MACROD2: variants seen among roughly 807,000 people sequenced by gnomAD.
MACROD2 encodes the protein mono-ADP ribosylhydrolase 2, also known as ADP-ribose glycohydrolase MACROD2.
In MACROD2, 36 loss-of-function variants were observed where a neutral mutation model predicts 70.4. The observed-to-expected ratio is 0.51, with a 90% CI of 0.39 to 0.68. The LOEUF (loss-of-function observed/expected upper bound fraction) is 0.68, where lower values mean the gene tolerates loss of function less well. MACROD2 is among the 30% of genes least tolerant of loss of function. The probability of loss-of-function intolerance (pLI) is 0.00; values close to 1 mark genes in which losing one functional copy is unlikely to be tolerated. For synonymous variants in MACROD2, 172 were observed against 178.8 expected, an observed-to-expected ratio of 0.96 and a Z score of 0.30; for missense variants, 496 against 538.4, an observed-to-expected ratio of 0.92 and a Z score of 0.78.
chr20:15,814,510 AT>A (rs1312174935), intron 8 of MACROD2, among the ~76,000 whole-genome samples: 1 of 152,136 alleles, frequency 6.6e-6, no homozygotes, highest in Non-Finnish European at 1.5e-5. Context: ...CCCATTATTG[AT>A]TGCTTTGCCT....
intron 8 of MACROD2, among the ~76,000 whole-genome samples, chr20:15,661,306 A>G (rs1315628515): frequency 1.3e-5 from 2 of 152,182 alleles, no homozygotes; most frequent in Admixed American, 6.5e-5. Flanking sequence ...GGCAGGCTCT[A>G]CAAGAGGCAG....
At chr20:15,820,965 A>G (rs2063932126) in intron 8 of MACROD2, among the ~76,000 whole-genome samples, 1 of 152,174 alleles carries the variant, frequency 6.6e-6, no homozygotes, top group African/African-American at 2.4e-5. Context: ...TTCACATTAC[A>G]CAATGGAGCA....
At chr20:14,100,821 T>C (rs2054293846) in intron 3 of MACROD2, among the ~76,000 whole-genome samples, 1 of 138,292 alleles carries the variant, frequency 7.2e-6, no homozygotes, top group Non-Finnish European at 1.5e-5. Context: ...TCATATATCA[T>C]ATATAACATA....
intron 4 of MACROD2, among the ~76,000 whole-genome samples, chr20:14,536,748 T>C (rs1028344870): frequency 2.0e-5 from 3 of 152,082 alleles, no homozygotes; most frequent in African/African-American, 7.2e-5. Flanking sequence ...TGAAGGCAGA[T>C]ATTGTTGGAG....
intron 8 of MACROD2, among the ~76,000 whole-genome samples, chr20:15,810,242 A>T (rs1298103733): frequency 2.0e-5 from 3 of 151,254 alleles, no homozygotes; most frequent in Admixed American, 6.6e-5. Flanking sequence ...TATGTGCCAC[A>T]TTTTCTTAAT....
chr20:14,230,654 T>TATATATATATATATATAAAA lies in MACROD2; in HGVS notation c.271+144927_271+144928insTATATATATATATATAAAAA. 9.8e-4 allele frequency among the ~76,000 whole-genome samples: 73 copies of TATATATATATATATATAAAA among 74,216 alleles called. 3 individuals are homozygous for TATATATATATATATATAAAA. Among genetic ancestry groups the TATATATATATATATATAAAA allele is most frequent in the African/African-American group, 4.3e-3 (64 of 14,806 alleles). 48.7% of individuals were successfully genotyped at this position (74,216 alleles called of 152,430 possible). On this transcript the variant is annotated intron_variant, in intron 3 of 17. Coordinates refer to ENST00000684519, the MANE Select transcript of MACROD2 (RefSeq NM_001351661.2). ...GTTTATATATATATATATATATATATAACACAGGCTGGGCCTATATATATA... is the reference window on the plus strand; with the variant it reads ...GTTTATATATATATATATATATATATATATATATATATATATAAAAAACACAGGCTGGGCCTATATATATA...
chr20:15,774,200 A>G (rs143927300), intron 8 of MACROD2, among the ~76,000 whole-genome samples: 189 of 152,256 alleles, frequency 1.2e-3, no homozygotes, highest in Middle Eastern at 6.8e-3. Context: ...TAATGGAGGT[A>G]TTAACTGGTG....
At chr20:15,377,822 A>G (rs773763604) in intron 6 of MACROD2, among the ~76,000 whole-genome samples, 60 of 152,358 alleles carry the variant, frequency 3.9e-4, no homozygotes, top group Non-Finnish European at 6.6e-4. Flanking sequence ...ATCATTAGTC[A>G]CTGATGATGA....
chr20:15,827,008 A>C (rs2064004012), intron 8 of MACROD2, among the ~76,000 whole-genome samples: 1 of 152,226 alleles, frequency 6.6e-6, no homozygotes, highest in Non-Finnish European at 1.5e-5. Context: ...TATGGTAAAT[A>C]GTGAACTAAT....
chr20:15,148,320 G>A (rs1048230393), intron 5 of MACROD2, among the ~76,000 whole-genome samples: 1 of 151,950 alleles, frequency 6.6e-6, no homozygotes. Context: ...TGTATGAATT[G>A]AAAAACTAAA....
chr20:14,071,805 T>C (rs2053847044), intron 2 of MACROD2, among the ~76,000 whole-genome samples: 1 of 151,614 alleles, frequency 6.6e-6, no homozygotes, highest in Non-Finnish European at 1.5e-5. Flanking sequence ...TGTGGTGGCT[T>C]ACACCTGTAA....
At chr20:14,341,308 A>T (rs1464067106) in intron 3 of MACROD2, among the ~76,000 whole-genome samples, 1 of 152,238 alleles carries the variant, frequency 6.6e-6, no homozygotes, top group Non-Finnish European at 1.5e-5. Context: ...TTCCCTCAGC[A>T]TTCTTCATGA....
chr20:14,092,026 T>C (rs1028713132), intron 3 of MACROD2, among the ~76,000 whole-genome samples: 2 of 152,184 alleles, frequency 1.3e-5, no homozygotes, highest in South Asian at 2.1e-4. Flanking sequence ...CTGTTTTTCA[T>C]AGTAGTTGTA....
intron 8 of MACROD2, among the ~76,000 whole-genome samples, chr20:15,659,476 A>G (rs2049785708): frequency 6.6e-6 from 1 of 151,666 alleles, no homozygotes; most frequent in Non-Finnish European, 1.5e-5. Context: ...CAAATACTCC[A>G]TACCTGCATC....
In MACROD2 at chr20:15,260,118, G is replaced by GT. The variant is rs1326725022; in HGVS notation, c.540+30064dup. ...GGATATCCAATTACCTTCAGCAATA[G>GT]TTTTTTTGTGTGTTAGGAACATTCC... On this transcript the variant is annotated intron_variant, in intron 6 of 17. Coordinates refer to ENST00000684519, the MANE Select transcript of MACROD2 (RefSeq NM_001351661.2). Among the ~76,000 whole-genome samples the GT allele has an allele frequency of 1.4e-3, 215 of 151,590 alleles. 1 individual carries two copies. Among genetic ancestry groups the GT allele is most frequent in the Non-Finnish European group, 4.9e-4 (33 of 67,764 alleles).
intron 4 of MACROD2, among the ~76,000 whole-genome samples, chr20:14,650,419 T>C (rs1001281355): frequency 5.3e-5 from 8 of 152,196 alleles, no homozygotes; most frequent in African/African-American, 1.4e-4. Context: ...TTAGTAATTA[T>C]CTCCTCACCC....
intron 7 of MACROD2, among the ~76,000 whole-genome samples, chr20:15,477,969 A>G (rs937674671): frequency 3.3e-5 from 5 of 152,196 alleles, no homozygotes; most frequent in African/African-American, 1.2e-4. Flanking sequence ...GAGCCAAGGA[A>G]TGCATGTGGC....
intron 2 of MACROD2, among the ~76,000 whole-genome samples, chr20:14,078,198 G>A (rs966039220): frequency 1.1e-4 from 17 of 150,818 alleles, no homozygotes; most frequent in Admixed American, 4.0e-4. Context: ...CATCGTGCCC[G>A]GCCGCCTCTT....
At chr20:15,612,294 C>T (rs1032247943) in intron 8 of MACROD2, among the ~76,000 whole-genome samples, 3 of 152,168 alleles carry the variant, frequency 2.0e-5, no homozygotes, top group African/African-American at 7.2e-5. Context: ...TTACTTCTGG[C>T]CTGGTTAGAA....
Sources: allele counts gnomAD v4.1 joint callset (sites outside exome capture counted in the v4.1 genomes callset), GRCh38; gene constraint gnomAD v4.1.1; transcripts MANE v1.5; gene names NCBI Gene and HGNC (gene_info 2026-07-23, HGNC 2026-07-21).